CARMIL1: variants seen among roughly 807,000 people sequenced by gnomAD.
CARMIL1 encodes F-actin-uncapping protein LRRC16A.
In CARMIL1, 90 loss-of-function variants were observed where a neutral mutation model predicts 177.1. The observed-to-expected ratio is 0.51, with a 90% CI of 0.43 to 0.61. CARMIL1 has a LOEUF of 0.61. CARMIL1 is among the 20% of genes least tolerant of loss of function. The pLI, the probability that CARMIL1 is intolerant of heterozygous loss-of-function variation, is 0.00. For synonymous variants in CARMIL1, 577 were observed against 606.2 expected (o/e 0.95, Z 0.71); for missense variants, 1,380 against 1,667.0 (o/e 0.83, Z 3.00).
At chr6:25,455,203 C>G (rs931882299) in intron 8 of CARMIL1, among the ~76,000 whole-genome samples, 1 of 152,102 alleles carries the variant, frequency 6.6e-6, no homozygotes, top group Admixed American at 6.6e-5. Context: ...ATTTGTATGT[C>G]GAGATCTGTG....
intron 2 of CARMIL1, among the ~76,000 whole-genome samples, chr6:25,332,216 A>G (rs1045266990): frequency 1.3e-4 from 20 of 152,314 alleles, no homozygotes; most frequent in African/African-American, 4.6e-4. Flanking sequence ...AAAAGTAGTG[A>G]TGAACTGGAA....
chr6:25,319,040 G>T (rs563271979), intron 2 of CARMIL1, among the ~76,000 whole-genome samples: 18 of 152,236 alleles, frequency 1.2e-4, no homozygotes, highest in South Asian at 8.3e-4. Flanking sequence ...CATGAATTAG[G>T]CAATTTAATT....
chr6:25,527,530 CA>C (rs1316044183), intron 23 of CARMIL1: 9 of 324,662 alleles, frequency 2.8e-5, no homozygotes, highest in Non-Finnish European at 5.4e-5. Flanking sequence ...GTGTGCCTGT[CA>C]TATATTTCAA....
intron 29 of CARMIL1, among the ~76,000 whole-genome samples, chr6:25,565,197 C>A (rs960249967): frequency 6.6e-6 from 1 of 152,184 alleles, no homozygotes; most frequent in Non-Finnish European, 1.5e-5. Flanking sequence ...AAGGCATGAG[C>A]CTTATCACCC....
intron 8 of CARMIL1, among the ~76,000 whole-genome samples, chr6:25,459,266 C>CTTTCTTTCTTTT: frequency 5.4e-5 from 4 of 73,766 alleles, no homozygotes; most frequent in African/African-American, 9.8e-5. Flanking sequence ...TTCTTTCTTT[C>CTTTCTTTCTTTT]TTTTTTTTTT....
intron 2 of CARMIL1, among the ~76,000 whole-genome samples, chr6:25,313,195 G>A (rs1783975468): frequency 4.8e-5 from 7 of 144,644 alleles, no homozygotes; most frequent in Admixed American, 4.8e-4. Context: ...CACGAGTGTG[G>A]GAATGATTAA....
At chr6:25,589,820 T>A (rs188819013) in intron 31 of CARMIL1, among the ~76,000 whole-genome samples, 57 of 152,354 alleles carry the variant, frequency 3.7e-4, no homozygotes, top group African/African-American at 1.3e-3. Context: ...AGGAAACTTC[T>A]ATTTATTCAA....
chr6:25,600,472 C>T lies in CARMIL1; in HGVS notation c.3278C>T (p.Ser1093Phe), dbSNP rs933154799. 4 of 1,613,922 alleles carry T rather than the reference C, an allele frequency of 2.5e-6. No homozygotes were observed. Among genetic ancestry groups the T allele is most frequent in the South Asian group, 2.2e-5 (2 of 91,082 alleles). The change falls in exon 33 of 37, where the codon TCC becomes TTC. Residue 1093 changes from serine (S) to phenylalanine (F), a missense_variant. Transcript: ENST00000329474. The stretch of plus-strand genomic sequence containing the variant: ...ACGATCTTGATGACAGAAGAACCCT[C>T]CTCACCAAAAGGGGCAGTCAGAAGT... ...PPTILMTEEP[S>F]SPKGAVRSPP...
chr6:25,491,689 G>T, intron 13 of CARMIL1, 43 bp from the exon 14 acceptor site: 1 of 1,268,214 alleles, frequency 7.9e-7, no homozygotes, highest in Non-Finnish European at 1.1e-6. Context: ...GTGTATGTGT[G>T]TGTTTCTAGA....
intron 2 of CARMIL1, among the ~76,000 whole-genome samples, chr6:25,381,598 A>G (rs1490330955): frequency 6.6e-6 from 1 of 152,210 alleles, no homozygotes; most frequent in Non-Finnish European, 1.5e-5. Context: ...TCACGAAGTC[A>G]CTTTACTTCC....
chr6:25,290,171 C>T (rs186924852), intron 2 of CARMIL1, among the ~76,000 whole-genome samples: 18 of 152,208 alleles, frequency 1.2e-4, no homozygotes, highest in African/African-American at 4.1e-4. Flanking sequence ...ACACAGCTCC[C>T]TGCAGCCTCA....
At chr6:25,618,339 T>C (rs747488163) in intron 36 of CARMIL1, among the ~76,000 whole-genome samples, 29 of 152,094 alleles carry the variant, frequency 1.9e-4, no homozygotes, top group Non-Finnish European at 3.4e-4. Flanking sequence ...AAAGGATTGA[T>C]GTAGTGTGTT....
chr6:25,315,529 C>T (rs1366596778), intron 2 of CARMIL1, among the ~76,000 whole-genome samples: 1 of 152,216 alleles, frequency 6.6e-6, no homozygotes, highest in Non-Finnish European at 1.5e-5. Context: ...ACAGCCTCCT[C>T]CATACCGCTG....
chr6:25,307,425 G>T (rs1443879859), intron 2 of CARMIL1, among the ~76,000 whole-genome samples: 1 of 152,008 alleles, frequency 6.6e-6, no homozygotes, highest in Non-Finnish European at 1.5e-5. Context: ...CTCCATCTTT[G>T]TCCACCTTTT....
chr6:25,412,253 A>G (rs774234158), intron 2 of CARMIL1, among the ~76,000 whole-genome samples: 2 of 152,250 alleles, frequency 1.3e-5, no homozygotes, highest in Non-Finnish European at 2.9e-5. Context: ...TCATCATTCC[A>G]TGAAGTGTAA....
At chr6:25,280,340 C>T (rs1187429368) in intron 1 of CARMIL1, among the ~76,000 whole-genome samples, 1 of 152,132 alleles carries the variant, frequency 6.6e-6, no homozygotes, top group African/African-American at 2.4e-5. Context: ...TCTTCTGACA[C>T]GCAGACTTGG....
chr6:25,304,372 C>G (rs1415754779), intron 2 of CARMIL1, among the ~76,000 whole-genome samples: 1 of 152,164 alleles, frequency 6.6e-6, no homozygotes, highest in Non-Finnish European at 1.5e-5. Context: ...TATAGAACAG[C>G]CGTCCCCAAC....
At position 25,508,585 on chromosome 6, in the gene CARMIL1, G is replaced by A. The variant is rs187107289; in HGVS notation, c.1396-1071G>A. Among the ~76,000 whole-genome samples, 7 of 152,262 alleles carry A rather than the reference G, an allele frequency of 4.6e-5. No individual in the cohort carries two copies. The East Asian group carries it at 5.8e-4, about 13-fold the overall frequency. On this transcript the variant is annotated intron_variant, in intron 17 of 36. Coordinates refer to ENST00000329474, the MANE Select transcript of CARMIL1 (RefSeq NM_017640.6). ...TCCCAACTGAAATTCTCCTGATATCGCATCCAAAATAGGGAAATGAGGATT... is the reference window on the plus strand; with the variant it reads ...TCCCAACTGAAATTCTCCTGATATCACATCCAAAATAGGGAAATGAGGATT...
chr6:25,313,717 G>T (rs941446796), intron 2 of CARMIL1, among the ~76,000 whole-genome samples: 4 of 130,520 alleles, frequency 3.1e-5, no homozygotes, highest in South Asian at 5.4e-4. Flanking sequence ...AACCAGAAAT[G>T]GTGTATTTAA....
Sources: gnomAD v4.1 joint callset for allele counts (sites outside exome capture counted in the v4.1 genomes callset) on GRCh38, gnomAD v4.1.1 for gene constraint, MANE v1.5 for transcripts, NCBI Gene and HGNC (gene_info 2026-07-23, HGNC 2026-07-21) for gene names.